SUGP2: variants seen among roughly 807,000 people sequenced by gnomAD.
SUGP2 encodes the protein SURP and G-patch domain-containing protein 2.
In SUGP2, 24 loss-of-function variants were observed where a neutral mutation model predicts 90.5. The observed-to-expected ratio is 0.27, with a 90% CI of 0.19 to 0.37. SUGP2 has a LOEUF of 0.37. SUGP2 is among the 10% of genes least tolerant of loss of function. The probability of loss-of-function intolerance (pLI) is 1.00; values close to 1 mark genes in which losing one functional copy is unlikely to be tolerated. For synonymous variants in SUGP2, 473 were observed against 513.4 expected (o/e 0.92, Z 1.06); for missense variants, 1,233 against 1,363.3 (o/e 0.90, Z 1.51).
intron 1 of SUGP2, 143 bp downstream of exon 1, chr19:19,033,294 A>C (rs2145814119): frequency 1.0e-6 from 1 of 981,380 alleles, no homozygotes; most frequent in East Asian, 6.9e-5. Flanking sequence ...ACCCAGGCCA[A>C]CCCGGCGGGG....
At chr19:19,031,314 A>G (rs1443445498) in intron 1 of SUGP2, among the ~76,000 whole-genome samples, 6 of 152,148 alleles carry the variant, frequency 3.9e-5, no homozygotes, top group Admixed American at 3.9e-4. Flanking sequence ...TGAGCGGATC[A>G]TTTAAAGTCA....
intron 1 of SUGP2, among the ~76,000 whole-genome samples, chr19:19,031,993 C>T (rs746936782): frequency 6.6e-6 from 1 of 151,822 alleles, no homozygotes; most frequent in Non-Finnish European, 1.5e-5. Context: ...CAAGACAAAC[C>T]TTCTCTGGGC....
In SUGP2 at chr19:19,008,404, G is replaced by T; in HGVS notation, c.2363C>A (p.Ala788Glu). 1 of 1,614,100 alleles carries T rather than the reference G, an allele frequency of 6.2e-7. No homozygotes were observed. The highest frequency in any genetic ancestry group is 8.5e-7 in the Non-Finnish European group (1 of 1,179,986). The change falls in exon 6 of 11, where the codon GCA (alanine) becomes GAA (glutamate). Residue 788 changes from alanine to glutamate, a missense_variant. This residue lies in a region of SUGP2 where 540 missense variants were observed against 542.6 expected (regional missense o/e 1.00). Transcript: ENST00000452918. ...ADIDMKTMETAEKLARFVAQV... is the reference protein window; with the variant it reads ...ADIDMKTMETEEKLARFVAQV... Reference sequence around the variant, plus strand: ...AGCAACAAATCTAGCCAGTTTCTCTGCAGTCTCCATTGTCTTCATGTCAAC... The same window carrying T: ...AGCAACAAATCTAGCCAGTTTCTCTTCAGTCTCCATTGTCTTCATGTCAAC...
rs1190054894 is a variant in SUGP2 at position 18,992,867 on chromosome 19, A to G, written c.*874T>C. 6.6e-6 allele frequency: 1 copy of G among 152,340 alleles called. No individual in the cohort carries two copies. Among genetic ancestry groups the G allele is most frequent in the Middle Eastern group, 3.4e-3 (1 of 294 alleles). The allele number at this position is 152,340 out of a possible 1,614,324, so 9.4% of individuals were successfully genotyped here. A position where few individuals can be genotyped will look rare whatever the true frequency, so the allele number is the denominator to read the frequency against. ...AGTTACACGCAGCAGAGTGCTGGGG[A>G]ATCTGGAGAGCGGGGGCGATCACAT... On this transcript the variant is annotated 3_prime_UTR_variant, in exon 11 of 11. Transcript: ENST00000452918.
intron 4 of SUGP2, among the ~76,000 whole-genome samples, chr19:19,017,913 A>G (rs2058561544): frequency 6.6e-6 from 1 of 151,764 alleles, no homozygotes; most frequent in South Asian, 2.1e-4. Flanking sequence ...ATACAATCAA[A>G]GCACTGATCA....
Position 19,010,014 on chromosome 19 carries a change from G to C in SUGP2, c.2179C>G (p.Leu727Val). 6.2e-7 allele frequency: 1 copy of C among 1,614,160 alleles called. No individual in the cohort carries two copies. Among genetic ancestry groups the C allele is most frequent in the Non-Finnish European group, 8.5e-7 (1 of 1,180,034 alleles). ...TTGGCAGCATCATTTCTGTCTGGCAGGGATGGTTTTGCCTGTGAGAGGCCT... is the reference window on the plus strand; with the variant it reads ...TTGGCAGCATCATTTCTGTCTGGCACGGATGGTTTTGCCTGTGAGAGGCCT... ...APGLSQAKPS[L>V]PDRNDAAKDC... Residue 727 changes from leucine (L) to valine (V), a missense_variant, in exon 5 of 11, where the codon CTG becomes GTG. This residue lies in a region of SUGP2 where 540 missense variants were observed against 542.6 expected (regional missense o/e 1.00). Transcript: ENST00000452918.
At chr19:19,023,891 C>G (rs2058823616) in intron 3 of SUGP2, among the ~76,000 whole-genome samples, 1 of 150,770 alleles carries the variant, frequency 6.6e-6, no homozygotes, top group African/African-American at 2.5e-5. Flanking sequence ...ACGACCCTGT[C>G]TCAAAAAAAC....
rs2057974010 is a variant in SUGP2, at chr19:19,004,389, C to T, written c.2708G>A (p.Gly903Glu). ...CCCTCCAGGAGCGGGGGCCTCCTCT[C>T]CCCCATCCTCATCGTCCTCGTCCTC... is the stretch of plus-strand genomic sequence containing the variant. ...EEEDEDDEDG[G>E]EEAPAPGGAG... Residue 903 changes from glycine (G) to glutamate (E), a missense_variant, in exon 7 of 11, where the codon GGA becomes GAA. Gly to Glu is a moderately conservative substitution (Grantham distance 98, BLOSUM62 -2). Around this residue, in one of 8 missense-constraint regions of SUGP2, gnomAD observed 540 missense variants for 542.6 expected, o/e 1.00. Transcript: ENST00000452918. 6.2e-7 allele frequency: 1 copy of T among 1,614,026 alleles called. No homozygotes were observed. The highest frequency in any genetic ancestry group is 8.5e-7 in the Non-Finnish European group (1 of 1,179,986).
In SUGP2 at chr19:19,010,082, A is replaced by G. The variant is rs1468318010; in HGVS notation, c.2111T>C (p.Leu704Pro). The change falls in exon 5 of 11, where the codon CTA becomes CCA. Residue 704 changes from leucine to proline, a missense_variant. Around this residue, in one of 8 missense-constraint regions of SUGP2, gnomAD observed 540 missense variants for 542.6 expected, o/e 1.00. Transcript: ENST00000452918. ...GTGTTTCAGCCTGGTGCCTGAGGAT[A>G]GGAGGGTCTGGGTCCCGGTGGTCGC... The part of the protein sequence containing the change: ...RRATTGTQTL[L>P]SSGTRLKHHG... 6.2e-7 allele frequency: 1 copy of G among 1,613,594 alleles called. No homozygotes were observed. Among genetic ancestry groups the G allele is most frequent in the East Asian group, 2.2e-5 (1 of 44,836 alleles).
intron 8 of SUGP2, among the ~76,000 whole-genome samples, chr19:18,999,243 CAG>C (rs1373149352): frequency 6.6e-6 from 1 of 152,200 alleles, no homozygotes; most frequent in Non-Finnish European, 1.5e-5. Context: ...AGGAAAGCTG[CAG>C]CCACCACGGC....
chr19:19,001,962 A>G (rs960574220), intron 7 of SUGP2, among the ~76,000 whole-genome samples: 2 of 152,234 alleles, frequency 1.3e-5, no homozygotes, highest in Non-Finnish European at 2.9e-5. Flanking sequence ...AAGAGTCCCC[A>G]CATTTATAAC....
chr19:19,005,681 T>C (rs1402093580), intron 6 of SUGP2, among the ~76,000 whole-genome samples: 1 of 152,010 alleles, frequency 6.6e-6, no homozygotes, highest in African/African-American at 2.4e-5. Context: ...TAATTATTAT[T>C]ACACATTTTT....
In SUGP2 at chr19:19,024,792, T is replaced by C; in HGVS notation, c.1556A>G (p.Asp519Gly). 1 of 1,613,560 alleles carries C rather than the reference T, an allele frequency of 6.2e-7. No homozygotes were observed. Among genetic ancestry groups the C allele is most frequent in the Non-Finnish European group, 8.5e-7 (1 of 1,179,922 alleles). The change falls in exon 3 of 11, where the codon GAC (aspartate) becomes GGC (glycine). Residue 519 changes from aspartate (D) to glycine (G), a missense_variant. Asp to Gly is a moderately conservative substitution (Grantham distance 94). Around this residue, in one of 8 missense-constraint regions of SUGP2, gnomAD observed 540 missense variants for 542.6 expected, o/e 1.00. Transcript: ENST00000452918. ...PSPAAFPNFEDSTLFGREYID... is the reference protein window; with the variant it reads ...PSPAAFPNFEGSTLFGREYID... ...GTACTCTCGCCCAAACAAAGTGGAGTCTTCGAAGTTTGGAAACGCAGCAGG... is the reference window on the plus strand; with the variant it reads ...GTACTCTCGCCCAAACAAAGTGGAGCCTTCGAAGTTTGGAAACGCAGCAGG...
At chr19:19,018,376 G>A (rs755289274) in intron 4 of SUGP2, among the ~76,000 whole-genome samples, 10 of 150,218 alleles carry the variant, frequency 6.7e-5, no homozygotes, top group Non-Finnish European at 1.5e-4. Flanking sequence ...CTATATTTAG[G>A]ACGCAAACTG....
chr19:19,010,214 G>A lies in SUGP2; in HGVS notation c.1979C>T (p.Ala660Val), dbSNP rs767148765. 2.5e-6 allele frequency: 4 copies of A among 1,614,006 alleles called. No individual in the cohort carries two copies. In the South Asian group the frequency reaches 3.3e-5, roughly 13 times the overall value. The change falls in exon 5 of 11, where the codon GCC becomes GTC. Residue 660 changes from alanine to valine, a missense_variant. By Grantham distance (64) the Ala-to-Val change is moderately conservative (BLOSUM62 0). Transcript: ENST00000452918. ...GCGGACAGCCCGGGAGTACAGCATG[G>A]CCCTCACTGCACAGTCTGCTGAGGT... ...KPTSADCAVR[A>V]MLYSRAVRNL...
intron 3 of SUGP2, among the ~76,000 whole-genome samples, chr19:19,019,502 A>T (rs991936152): frequency 2.0e-5 from 3 of 152,214 alleles, no homozygotes; most frequent in African/African-American, 7.2e-5. Context: ...TAGAAAAAGA[A>T]AGATATATAG....
rs148921679 is a variant in SUGP2 at position 19,019,344 on chromosome 19, G to C, written c.1730-115C>G. 5 of 1,179,026 alleles carry C rather than the reference G, an allele frequency of 4.2e-6. No homozygotes were observed. In the South Asian group the frequency reaches 7.2e-5, roughly 17 times the overall value. The allele number at this position is 1,179,026 out of a possible 1,614,324, so 73.0% of individuals were successfully genotyped here. The stretch of plus-strand genomic sequence containing the variant: ...TGAACCCAAGCAGGCATCAACAACC[G>C]AAATCCTCATTCACAAGACACCAGC... On this transcript the variant is annotated intron_variant, in intron 3 of 10. Coordinates refer to ENST00000452918, the MANE Select transcript of SUGP2 (RefSeq NM_001017392.5).
chr19:19,002,891 C>A (rs966059400), intron 7 of SUGP2, among the ~76,000 whole-genome samples: 1 of 152,128 alleles, frequency 6.6e-6, no homozygotes, highest in Non-Finnish European at 1.5e-5. Flanking sequence ...CACCTCCCCC[C>A]AAGAAGAGCA....
intron 8 of SUGP2, among the ~76,000 whole-genome samples, chr19:18,996,957 G>C (rs1027956678): frequency 6.6e-6 from 1 of 151,488 alleles, no homozygotes; most frequent in African/African-American, 2.4e-5. Flanking sequence ...GATCACGGGG[G>C]CTGGTGCTGG....
Sources: gnomAD v4.1 joint callset for allele counts (sites outside exome capture counted in the v4.1 genomes callset) on GRCh38, gnomAD v4.1.1 for gene constraint, gnomAD v4.1.1 regional missense constraint, MANE v1.5 for transcripts, NCBI Gene and HGNC (gene_info 2026-07-23, HGNC 2026-07-21) for gene names.